The following NDST4 variants were observed in gnomAD, a reference collection of about 807,000 sequenced individuals.
NDST4 encodes N-deacetylase and N-sulfotransferase 4.
A neutral mutation model predicts 100.8 loss-of-function variants in NDST4; 63 were observed. That is an observed-to-expected ratio of 0.62 (90% confidence interval 0.51 to 0.77). The LOEUF (loss-of-function observed/expected upper bound fraction) is 0.77, where lower values mean the gene tolerates loss of function less well. NDST4 is among the 30% of genes least tolerant of loss of function. The pLI is 0.00. For missense variants in NDST4, 943 were observed against 1,018.4 expected (o/e 0.93, Z 1.01); for synonymous variants, 377 against 361.8 (o/e 1.04, Z -0.48).
intron 1 of NDST4, among the ~76,000 whole-genome samples, chr4:115,104,368 GT>G (rs1729795724): frequency 6.6e-6 from 1 of 152,078 alleles, no homozygotes; most frequent in South Asian, 2.1e-4. Context: ...TTTACATTGT[GT>G]CACTATAAGG....
At chr4:114,963,187 G>T (rs986272081) in intron 4 of NDST4, among the ~76,000 whole-genome samples, 2 of 151,996 alleles carry the variant, frequency 1.3e-5, no homozygotes, top group African/African-American at 4.8e-5. Context: ...AACTGATAAG[G>T]AATGGATATA....
At chr4:115,085,200 T>A (rs768722391) in intron 1 of NDST4, among the ~76,000 whole-genome samples, 9 of 152,180 alleles carry the variant, frequency 5.9e-5, no homozygotes, top group Non-Finnish European at 1.0e-4. Context: ...GTAGCCTCTA[T>A]GTTTTGGTCA....
At chr4:115,088,756 T>A (rs916913119) in intron 1 of NDST4, among the ~76,000 whole-genome samples, 1 of 152,082 alleles carries the variant, frequency 6.6e-6, no homozygotes, top group Non-Finnish European at 1.5e-5. Context: ...GCACTTTATG[T>A]GTTGAACCAT....
At chr4:115,091,161 T>G (rs1729511561) in intron 1 of NDST4, among the ~76,000 whole-genome samples, 1 of 152,102 alleles carries the variant, frequency 6.6e-6, no homozygotes, top group African/African-American at 2.4e-5. Flanking sequence ...TTGATACATC[T>G]TGGTTTCAAA....
At chr4:114,879,661 T>A (rs952599210) in intron 6 of NDST4, among the ~76,000 whole-genome samples, 2 of 152,174 alleles carry the variant, frequency 1.3e-5, no homozygotes, top group African/African-American at 4.8e-5. Context: ...ACCTGGCACA[T>A]AATAGGTATG....
chr4:114,986,794 A>ATGTATG (rs1491577569), intron 2 of NDST4, among the ~76,000 whole-genome samples: 2 of 10,390 alleles, frequency 1.9e-4, no homozygotes, highest in African/African-American at 3.4e-4. Context: ...CCAATTATAC[A>ATGTATG]TATATATATA....
chr4:114,960,223 G>A (rs1323083130), intron 4 of NDST4, among the ~76,000 whole-genome samples: 1 of 152,210 alleles, frequency 6.6e-6, no homozygotes, highest in Non-Finnish European at 1.5e-5. Flanking sequence ...AAAACTGAGA[G>A]AATACATTGC....
At chr4:114,960,432 C>T (rs912274875) in intron 4 of NDST4, among the ~76,000 whole-genome samples, 1 of 151,488 alleles carries the variant, frequency 6.6e-6, no homozygotes, top group African/African-American at 2.4e-5. Flanking sequence ...ATGGTGAAAC[C>T]CCGTCTCTAT....
At chr4:115,022,483 T>TATATGTGTTCCATAC (rs1362918088) in intron 2 of NDST4, among the ~76,000 whole-genome samples, 39 of 151,548 alleles carry the variant, frequency 2.6e-4, no homozygotes, top group Admixed American at 6.6e-4. Context: ...GTGTTCCATA[T>TATATGTGTTCCATAC]ATATGTTCCA....
At chr4:114,915,929 C>T (rs888788341) in intron 6 of NDST4, among the ~76,000 whole-genome samples, 2 of 151,968 alleles carry the variant, frequency 1.3e-5, no homozygotes, top group African/African-American at 2.4e-5. Context: ...CACTTAAAAT[C>T]GTAATATTCT....
intron 6 of NDST4, among the ~76,000 whole-genome samples, chr4:114,921,047 T>C (rs1484609779): frequency 6.6e-6 from 1 of 152,208 alleles, no homozygotes; most frequent in Non-Finnish European, 1.5e-5. Flanking sequence ...CGAGCTAAAC[T>C]TCTGCCACAG....
At chr4:114,972,645 A>G (rs999805546) in intron 3 of NDST4, among the ~76,000 whole-genome samples, 10 of 152,074 alleles carry the variant, frequency 6.6e-5, no homozygotes, top group Admixed American at 5.9e-4. Context: ...GGCACAGATT[A>G]GAAAGAGTTA....
chr4:115,076,384 T>C lies in NDST4; in HGVS notation c.653A>G (p.Glu218Gly). 2 of 1,613,804 alleles carry C rather than the reference T, an allele frequency of 1.2e-6. No homozygotes were observed. Among genetic ancestry groups the C allele is most frequent in the East Asian group, 2.2e-5 (1 of 44,792 alleles). Reference sequence around the variant, plus strand: ...ATTATATTGGAAAATAGTCCAGTCTTCCCCAGGAAGAGGGCCTTTCTCAAC... The same window carrying C: ...ATTATATTGGAAAATAGTCCAGTCTCCCCCAGGAAGAGGGCCTTTCTCAAC... ...PKVEKGPLPG[E>G]DWTIFQYNHS... is the part of the protein sequence containing the mutation. The change falls in exon 2 of 14, where the codon GAA becomes GGA. Residue 218 changes from glutamate (E) to glycine (G), a missense_variant. Physicochemically the swap from Glu to Gly is moderately conservative, Grantham distance 98. This residue lies in a region of NDST4 where 417 missense variants were observed against 384.2 expected (regional missense o/e 1.09). Coordinates refer to ENST00000264363, the MANE Select transcript of NDST4 (RefSeq NM_022569.3).
intron 6 of NDST4, among the ~76,000 whole-genome samples, chr4:114,886,946 A>G (rs1384795663): frequency 6.6e-6 from 1 of 152,180 alleles, no homozygotes; most frequent in Non-Finnish European, 1.5e-5. Flanking sequence ...TGAAAAAGAT[A>G]AGACAGAGTT....
At chr4:114,856,450 A>G (rs1220283323) in intron 7 of NDST4, among the ~76,000 whole-genome samples, 1 of 152,164 alleles carries the variant, frequency 6.6e-6, no homozygotes, top group Admixed American at 6.5e-5. Flanking sequence ...TCCATTAAGA[A>G]TGTTTTTCTT....
At chr4:114,972,435 T>C (rs1257949213) in intron 3 of NDST4, among the ~76,000 whole-genome samples, 1 of 152,034 alleles carries the variant, frequency 6.6e-6, no homozygotes, top group Non-Finnish European at 1.5e-5. Flanking sequence ...TTGAAAGTAA[T>C]AAAGTCCTAT....
At chr4:114,952,998 C>G (rs764102067) in intron 4 of NDST4, among the ~76,000 whole-genome samples, 11 of 150,892 alleles carry the variant, frequency 7.3e-5, no homozygotes, top group Non-Finnish European at 1.3e-4. Context: ...AAACCGGGCA[C>G]ACAAGTTGGC....
At position 115,009,989 on chromosome 4, in the gene NDST4, C is replaced by T. The variant is rs1461694207; in HGVS notation, c.979-32715G>A. 1.6e-3 allele frequency among the ~76,000 whole-genome samples: 161 copies of T among 100,560 alleles called. 25 individuals carry two copies. The highest frequency in any genetic ancestry group is 5.4e-3 in the African/African-American group (138 of 25,524). 66.0% of individuals were successfully genotyped at this position (100,560 alleles called of 152,430 possible). On this transcript the variant is annotated intron_variant, in intron 2 of 13. Coordinates refer to ENST00000264363, the MANE Select transcript of NDST4 (RefSeq NM_022569.3). ...TGCAAATCAAAACCACAATGAGATACCATCTCACACCAGTTAGAATGGCAA... is the reference window on the plus strand; with the variant it reads ...TGCAAATCAAAACCACAATGAGATATCATCTCACACCAGTTAGAATGGCAA...
At chr4:114,989,253 A>G (rs1475361199) in intron 2 of NDST4, among the ~76,000 whole-genome samples, 6 of 152,208 alleles carry the variant, frequency 3.9e-5, no homozygotes, top group Non-Finnish European at 8.8e-5. Flanking sequence ...TCATTTCCCA[A>G]CAAGAGACAG....
Sources: allele counts gnomAD v4.1 joint callset (sites outside exome capture counted in the v4.1 genomes callset), GRCh38; gene constraint gnomAD v4.1.1; regional missense constraint gnomAD v4.1.1; transcripts MANE v1.5; gene names NCBI Gene and HGNC (gene_info 2026-07-23, HGNC 2026-07-21).